The following AOPEP variants were observed in gnomAD, a reference collection of about 807,000 sequenced individuals.
AOPEP encodes aminopeptidase O (putative).
A neutral mutation model predicts 98.1 loss-of-function variants in AOPEP; 77 were observed. The ratio of observed to expected loss-of-function variants is 0.78; its 90% CI spans 0.65 to 0.95. The LOEUF is 0.95. AOPEP is among the 40% of genes least tolerant of loss of function. The probability of loss-of-function intolerance (pLI) is 0.00; values close to 1 mark genes in which losing one functional copy is unlikely to be tolerated. For missense variants in AOPEP, 1,024 were observed against 1,024.7 expected, an observed-to-expected ratio of 1.00 and a Z score of 0.01; for synonymous variants, 346 against 365.3, an observed-to-expected ratio of 0.95 and a Z score of 0.60.
At chr9:95,090,550 T>C (rs7851996), downstream of AOPEP, among the ~76,000 whole-genome samples, 149,842 of 152,248 alleles carry the variant, frequency 0.98, 73,749 homozygotes, top group East Asian at 1. Flanking sequence ...GGGCCCCCCC[T>C]TCGAAGGGAG....
At chr9:94,801,996 A>G (rs933786706) in intron 5 of AOPEP, among the ~76,000 whole-genome samples, 1 of 152,212 alleles carries the variant, frequency 6.6e-6, no homozygotes, top group Non-Finnish European at 1.5e-5. Context: ...TATGTACTTT[A>G]AAGACTGGCT....
the AOPEP span, among the ~76,000 whole-genome samples, chr9:95,117,108 T>G: frequency 6.6e-6 from 1 of 152,138 alleles, no homozygotes; most frequent in Non-Finnish European, 1.5e-5. Context: ...GTTTTCTTCT[T>G]TTGGTAAGTG....
intron 5 of AOPEP, among the ~76,000 whole-genome samples, chr9:94,802,790 CTAGATGTTT>C (rs1848466813): frequency 6.6e-6 from 1 of 152,120 alleles, no homozygotes; most frequent in East Asian, 1.9e-4. Flanking sequence ...CTGCCCAGGT[CTAGATGTTT>C]TTCTGGACTT....
chr9:95,093,636 C>T, the AOPEP span, among the ~76,000 whole-genome samples: 2 of 152,168 alleles, frequency 1.3e-5, no homozygotes, highest in African/African-American at 2.4e-5. Flanking sequence ...GTCTCTTCCC[C>T]AAATCACTAT....
At chr9:94,854,872 G>C (rs1409967080) in intron 5 of AOPEP, among the ~76,000 whole-genome samples, 1 of 152,120 alleles carries the variant, frequency 6.6e-6, no homozygotes, top group East Asian at 1.9e-4. Flanking sequence ...CTACATATGA[G>C]TTAGGATGTT....
chr9:94,741,475 G>T (rs1014720136), intron 1 of AOPEP, among the ~76,000 whole-genome samples: 7 of 152,038 alleles, frequency 4.6e-5, no homozygotes, highest in African/African-American at 1.7e-4. Flanking sequence ...GTTTCACCGT[G>T]TTAGCCAGGA....
intron 5 of AOPEP, among the ~76,000 whole-genome samples, chr9:94,889,717 C>T (rs2136027420): frequency 6.6e-6 from 1 of 152,312 alleles, no homozygotes; most frequent in African/African-American, 2.4e-5. Flanking sequence ...CAAGACAGTT[C>T]AATTGTGGGT....
intron 5 of AOPEP, among the ~76,000 whole-genome samples, chr9:94,815,342 A>G (rs1156739744): frequency 6.6e-6 from 1 of 152,156 alleles, no homozygotes; most frequent in East Asian, 1.9e-4. Context: ...GGTGCCACTG[A>G]CACCCATGAC....
At position 94,996,559 on chromosome 9, in the gene AOPEP, C is replaced by T. The variant is rs142407917; in HGVS notation, c.1978-8599C>T. Among the ~76,000 whole-genome samples the T allele has an allele frequency of 4.1e-4, 63 of 152,302 alleles. No individual in the cohort carries two copies. In the East Asian group the frequency reaches 9.3e-3, roughly 22 times the overall value. ...CTGCCAGGGCCACAGACTCCCATCACGTCCCCTCCTTCAGAGGCACTGTGG... is the reference window on the plus strand; with the variant it reads ...CTGCCAGGGCCACAGACTCCCATCATGTCCCCTCCTTCAGAGGCACTGTGG... On this transcript the variant is annotated intron_variant, in intron 11 of 16. Transcript: ENST00000375315.
At chr9:95,016,535 G>A (rs769049176) in intron 13 of AOPEP, among the ~76,000 whole-genome samples, 7 of 151,470 alleles carry the variant, frequency 4.6e-5, no homozygotes, top group African/African-American at 7.3e-5. Context: ...GAGCCACCGC[G>A]CCAGGCCCTT....
intron 1 of AOPEP, among the ~76,000 whole-genome samples, chr9:94,758,383 A>G (rs921100560): frequency 2.0e-5 from 3 of 152,228 alleles, no homozygotes; most frequent in Non-Finnish European, 4.4e-5. Flanking sequence ...GGATTTTTTA[A>G]GGTTAGGTGA....
At chr9:95,068,547 A>G (rs1236091358) in intron 14 of AOPEP, among the ~76,000 whole-genome samples, 1 of 152,204 alleles carries the variant, frequency 6.6e-6, no homozygotes, top group Non-Finnish European at 1.5e-5. Context: ...ATAGTTCTTT[A>G]TATAGTCTAG....
intron 7 of AOPEP, chr9:94,935,355 T>G (rs968438011): frequency 1.8e-4 from 28 of 152,262 alleles, no homozygotes; most frequent in African/African-American, 6.3e-4. Context: ...ATTTATAAAT[T>G]ACCCAGTCTT....
chr9:94,731,296 C>T (rs918557159), intron 1 of AOPEP, among the ~76,000 whole-genome samples: 1 of 151,406 alleles, frequency 6.6e-6, no homozygotes, highest in East Asian at 2.0e-4. Context: ...GGCGCGATCT[C>T]GGCTCACTGC....
chr9:94,889,737 AG>A (rs1242954206), intron 5 of AOPEP, among the ~76,000 whole-genome samples: 3 of 152,228 alleles, frequency 2.0e-5, no homozygotes, highest in African/African-American at 7.2e-5. Flanking sequence ...TCATATGGTA[AG>A]CCCCTTTTCA....
At chr9:94,957,587 C>T (rs1452305811) in intron 9 of AOPEP, among the ~76,000 whole-genome samples, 1 of 152,126 alleles carries the variant, frequency 6.6e-6, no homozygotes, top group Admixed American at 6.5e-5. Flanking sequence ...TAAAGTTAAC[C>T]CTTTGAAAGT....
chr9:95,080,849 G>A (rs200212731), intron 15 of AOPEP, 69 bp downstream of exon 15: 44 of 989,856 alleles, frequency 4.4e-5, no homozygotes, highest in Non-Finnish European at 6.9e-5. Context: ...AGGAATCCAC[G>A]TTCTCAGTAT....
chr9:94,836,505 G>T (rs2041619641), intron 5 of AOPEP, among the ~76,000 whole-genome samples: 1 of 151,824 alleles, frequency 6.6e-6, no homozygotes, highest in Non-Finnish European at 1.5e-5. Flanking sequence ...ACTTTCTTTG[G>T]CATCATATCT....
At chr9:94,770,854 A>G (rs558993542) in intron 2 of AOPEP, among the ~76,000 whole-genome samples, 1 of 152,276 alleles carries the variant, frequency 6.6e-6, no homozygotes, top group East Asian at 1.9e-4. Flanking sequence ...GATCTGGTAC[A>G]GTATGGAAGG....
Sources: gnomAD v4.1 joint callset for allele counts (sites outside exome capture counted in the v4.1 genomes callset) on GRCh38, gnomAD v4.1.1 for gene constraint, MANE v1.5 for transcripts, NCBI Gene and HGNC (gene_info 2026-07-23, HGNC 2026-07-21) for gene names.